NUP93: variants seen among roughly 807,000 people sequenced by gnomAD.
NUP93 encodes nucleoporin 93, also known as nuclear pore complex protein Nup93.
NUP93 carries 55 observed loss-of-function variants against 107.8 expected under a neutral mutation model. The observed-to-expected ratio is 0.51, with a 90% CI of 0.41 to 0.64. The LOEUF (loss-of-function observed/expected upper bound fraction) is 0.64. NUP93 is among the 30% of genes least tolerant of loss of function. The pLI is 0.00. For synonymous variants in NUP93, 390 were observed against 397.5 expected (o/e 0.98, Z 0.22); for missense variants, 937 against 1,044.7 (o/e 0.90, Z 1.42).
intron 1 of NUP93, among the ~76,000 whole-genome samples, chr16:56,742,401 G>C (rs1006046895): frequency 6.6e-5 from 10 of 152,276 alleles, no homozygotes; most frequent in African/African-American, 2.4e-4. Flanking sequence ...ATCCTTGGGG[G>C]AAAAATAATC....
intron 3 of NUP93, among the ~76,000 whole-genome samples, chr16:56,788,871 A>G (rs1405107460): frequency 6.6e-6 from 1 of 152,120 alleles, no homozygotes; most frequent in East Asian, 1.9e-4. Flanking sequence ...TCAGTACCCC[A>G]CCACAGGAAT....
intron 1 of NUP93, among the ~76,000 whole-genome samples, chr16:56,742,371 A>G (rs538144429): frequency 1.5e-4 from 23 of 152,344 alleles, no homozygotes; most frequent in African/African-American, 5.5e-4. Context: ...ATAAACTAAG[A>G]AGGGTTTTTA....
At position 56,847,389 on chromosome 16, in the gene NUP93, TG is replaced by T. The variant is rs1964128284; in HGVS notation, c.*2783del. On this transcript the variant is annotated 3_prime_UTR_variant, in exon 22 of 22. Coordinates refer to ENST00000308159, the MANE Select transcript of NUP93 (RefSeq NM_014669.5). ...GAGAACTAACTCTTTCCTTAGATGTTGGGCCAGGATTTCACTATTTACCCAG... is the reference window on the plus strand; with the variant it reads ...GAGAACTAACTCTTTCCTTAGATGTTGGCCAGGATTTCACTATTTACCCAG... The T allele has an allele frequency of 6.6e-6, 1 of 152,222 alleles. No individual in the cohort carries two copies. The highest frequency in any genetic ancestry group is 1.5e-5 in the Non-Finnish European group (1 of 68,042). The allele number at this position is 152,222 out of a possible 1,614,324, so 9.4% of individuals were successfully genotyped here. A position where few individuals can be genotyped will look rare whatever the true frequency, so the allele number is the denominator to read the frequency against.
In NUP93 at chr16:56,830,617, T is replaced by G; in HGVS notation, c.1017T>G (p.Asn339Lys). The change falls in exon 10 of 22, where the codon AAT (asparagine) becomes AAG (lysine). Residue 339 changes from asparagine (N) to lysine (K), a missense_variant. Coordinates refer to ENST00000308159, the MANE Select transcript of NUP93 (RefSeq NM_014669.5). ...GDLLAASQVV[N>K]RAQHQLGEFK... ...TGCTTGCCGCTTCACAGGTAGTTAA[T>G]CGAGCCCAGCACCAGCTGGGAGAGT... 2.5e-6 allele frequency: 4 copies of G among 1,610,744 alleles called. No individual in the cohort carries two copies. The highest frequency in any genetic ancestry group is 3.4e-6 in the Non-Finnish European group (4 of 1,177,216).
intron 5 of NUP93, among the ~76,000 whole-genome samples, chr16:56,806,173 C>T (rs899300813): frequency 4.0e-5 from 6 of 151,268 alleles, no homozygotes; most frequent in Non-Finnish European, 4.4e-5. Flanking sequence ...AGTTCCCTAT[C>T]TTTATAAGTG....
intron 3 of NUP93, among the ~76,000 whole-genome samples, chr16:56,766,959 A>G (rs1962226584): frequency 6.6e-6 from 1 of 152,254 alleles, no homozygotes; most frequent in African/African-American, 2.4e-5. Context: ...CTTGTGCTGC[A>G]GTGCTCTAAG....
At chr16:56,771,379 C>CT (rs1962319197) in intron 3 of NUP93, among the ~76,000 whole-genome samples, 1 of 152,034 alleles carries the variant, frequency 6.6e-6, no homozygotes, top group East Asian at 1.9e-4. Context: ...TTCTTTATAC[C>CT]TTGTCGTGTA....
chr16:56,817,382 C>T (rs538160054), intron 5 of NUP93, among the ~76,000 whole-genome samples: 2 of 152,296 alleles, frequency 1.3e-5, no homozygotes, highest in South Asian at 4.1e-4. Context: ...TGTACTCTTC[C>T]TTTTACCAGC....
intron 2 of NUP93, among the ~76,000 whole-genome samples, chr16:56,752,208 T>C (rs1416480896): frequency 6.6e-6 from 1 of 152,174 alleles, no homozygotes; most frequent in African/African-American, 2.4e-5. Flanking sequence ...GCTAGCAAAA[T>C]TGACCCAGCA....
chr16:56,787,701 A>G (rs1180448682), intron 3 of NUP93, among the ~76,000 whole-genome samples: 2 of 152,334 alleles, frequency 1.3e-5, no homozygotes, highest in South Asian at 2.1e-4. Flanking sequence ...AATGCTGGTC[A>G]TGATAAAGGC....
At chr16:56,839,726 TC>T in intron 20 of NUP93, 122 bp downstream of exon 20, 1 of 790,222 alleles carries the variant, frequency 1.3e-6, no homozygotes, top group Non-Finnish European at 2.2e-6. Flanking sequence ...GACTGAGTTT[TC>T]CAGAGTGGTT....
chr16:56,731,617 A>G (rs2144423326), intron 1 of NUP93, among the ~76,000 whole-genome samples: 1 of 152,248 alleles, frequency 6.6e-6, no homozygotes, highest in East Asian at 1.9e-4. Context: ...CATGTTGGCC[A>G]GGCTGGTCTT....
intron 3 of NUP93, among the ~76,000 whole-genome samples, chr16:56,775,753 A>C (rs966411169): frequency 3.3e-5 from 5 of 152,148 alleles, no homozygotes; most frequent in Non-Finnish European, 5.9e-5. Flanking sequence ...CCCTATTTTG[A>C]GATGAGGAGG....
chr16:56,792,273 A>G (rs2144542380), intron 3 of NUP93, among the ~76,000 whole-genome samples: 1 of 152,360 alleles, frequency 6.6e-6, no homozygotes. Flanking sequence ...CCACTGTTCT[A>G]AAGGAATGCC....
At chr16:56,808,735 AT>A (rs1184737196) in intron 5 of NUP93, among the ~76,000 whole-genome samples, 16 of 28,474 alleles carry the variant, frequency 5.6e-4, no homozygotes, top group South Asian at 2.0e-3. Context: ...AAATACATAT[AT>A]AAAATACATA....
chr16:56,786,543 T>C (rs1403316119), intron 3 of NUP93, among the ~76,000 whole-genome samples: 2 of 152,246 alleles, frequency 1.3e-5, no homozygotes, highest in African/African-American at 2.4e-5. Flanking sequence ...AGATGTTCAT[T>C]TTCAGCTGTG....
At chr16:56,841,170 C>G (rs1335457184) in intron 20 of NUP93, among the ~76,000 whole-genome samples, 1 of 152,148 alleles carries the variant, frequency 6.6e-6, no homozygotes, top group South Asian at 2.1e-4. Context: ...TTTGTTATTT[C>G]TGGCCTTTCC....
intron 3 of NUP93, among the ~76,000 whole-genome samples, chr16:56,791,426 GC>G (rs1273292823): frequency 5.3e-5 from 8 of 152,192 alleles, no homozygotes; most frequent in African/African-American, 1.9e-4. Flanking sequence ...GACTTTCCTG[GC>G]TAAGGTGGAC....
At chr16:56,819,312 G>A (rs1215465620) in intron 6 of NUP93, among the ~76,000 whole-genome samples, 3 of 152,172 alleles carry the variant, frequency 2.0e-5, no homozygotes, top group Non-Finnish European at 4.4e-5. Context: ...ACCACCCTGA[G>A]GACCATACAT....
Sources: allele counts gnomAD v4.1 joint callset (sites outside exome capture counted in the v4.1 genomes callset), GRCh38; gene constraint gnomAD v4.1.1; transcripts MANE v1.5; gene names NCBI Gene and HGNC (gene_info 2026-07-23, HGNC 2026-07-21).